CLMN: variants seen among roughly 807,000 people sequenced by gnomAD.
CLMN encodes calmin.
CLMN carries 57 observed loss-of-function variants against 92.7 expected under a neutral mutation model. That is an observed-to-expected ratio of 0.61 (90% CI 0.50 to 0.77). The LOEUF is 0.77. Ranked by LOEUF, CLMN falls within the 30% of genes least tolerant of loss-of-function variation. CLMN has a pLI of 0.00. For missense variants in CLMN, 1,158 were observed against 1,237.5 expected (o/e 0.94, Z 0.96); for synonymous variants, 466 against 470.6 (o/e 0.99, Z 0.13).
At chr14:95,299,311 C>T (rs1595110790) in intron 1 of CLMN, among the ~76,000 whole-genome samples, 1 of 152,304 alleles carries the variant, frequency 6.6e-6, no homozygotes, top group African/African-American at 2.4e-5. Context: ...ATTCTGGGCT[C>T]TTCAGTGCCC....
At position 95,204,232 on chromosome 14, in the gene CLMN, A is replaced by C; in HGVS notation, c.1117T>G (p.Ser373Ala). The C allele has an allele frequency of 1.2e-6, 2 of 1,614,058 alleles. No individual in the cohort carries two copies. The highest frequency in any genetic ancestry group is 1.7e-6 in the Non-Finnish European group (2 of 1,180,000). Residue 373 changes from serine (S) to alanine (A), a missense_variant, in exon 9 of 13, where the codon TCA becomes GCA. Physicochemically the swap from Ser to Ala is moderately conservative, Grantham distance 99. Transcript: ENST00000298912. Reference sequence around the variant, plus strand: ...TGCATGAACTCGGTGGAGCTGTCTGACAGCGCATGGCTGGAAACACCATCC... The same window carrying C: ...TGCATGAACTCGGTGGAGCTGTCTGCCAGCGCATGGCTGGAAACACCATCC... ...RLDGVSSHAL[S>A]DSSTEFMHQI...
chr14:95,277,849 A>T (rs1899993692), intron 1 of CLMN, among the ~76,000 whole-genome samples: 1 of 152,054 alleles, frequency 6.6e-6, no homozygotes, highest in East Asian at 1.9e-4. Context: ...CTGGTCTCGA[A>T]CTCCTAACTT....
At chr14:95,303,520 A>T (rs767051165) in intron 1 of CLMN, among the ~76,000 whole-genome samples, 1 of 152,190 alleles carries the variant, frequency 6.6e-6, no homozygotes, top group Non-Finnish European at 1.5e-5. Context: ...GCTGCACCCC[A>T]TATGGGCCCC....
At chr14:95,235,813 G>T (rs996795926) in intron 1 of CLMN, among the ~76,000 whole-genome samples, 1 of 152,176 alleles carries the variant, frequency 6.6e-6, no homozygotes, top group Admixed American at 6.5e-5. Flanking sequence ...GCTTGGGAGA[G>T]GGGAGGGAGA....
intron 1 of CLMN, among the ~76,000 whole-genome samples, chr14:95,254,126 T>C (rs561671118): frequency 6.6e-6 from 1 of 152,286 alleles, no homozygotes; most frequent in Admixed American, 6.5e-5. Flanking sequence ...TGGACCTTTG[T>C]CCCCATCTAT....
intron 2 of CLMN, among the ~76,000 whole-genome samples, chr14:95,225,008 C>G (rs1897667020): frequency 6.6e-6 from 1 of 152,166 alleles, no homozygotes; most frequent in South Asian, 2.1e-4. Flanking sequence ...GAAGGCTTTC[C>G]TCACCCCACG....
At chr14:95,197,103 A>C (rs1000525397) in intron 9 of CLMN, among the ~76,000 whole-genome samples, 6 of 152,086 alleles carry the variant, frequency 3.9e-5, no homozygotes, top group African/African-American at 1.4e-4. Context: ...AATGTCTCTA[A>C]TTAGCTGTGT....
At chr14:95,245,238 T>TTATA (rs1555390382) in intron 1 of CLMN, among the ~76,000 whole-genome samples, 3 of 28,178 alleles carry the variant, frequency 1.1e-4, no homozygotes, top group East Asian at 1.1e-3. Context: ...TATATATATA[T>TTATA]TATATATATA....
rs1896655317 is a variant in CLMN, at chr14:95,194,741, T to C, written c.2709-145A>G. The C allele has an allele frequency of 9.9e-6, 7 of 708,426 alleles. No homozygotes were observed. The Admixed American group carries it at 1.6e-4, about 16-fold the overall frequency. 43.9% of individuals were successfully genotyped at this position (708,426 alleles called of 1,614,324 possible). A position where few individuals can be genotyped will look rare whatever the true frequency, so the allele number is the denominator to read the frequency against. On this transcript the variant is annotated intron_variant, in intron 10 of 12. Transcript: ENST00000298912. The surrounding 1 kb of genome is among the most constrained non-coding windows in gnomAD (Gnocchi z 4.0). ...CCAGGGACAGAAATGACAGATTTTA[T>C]ATCTAACATGCCTACTTTGGTTGGA...
intron 8 of CLMN, among the ~76,000 whole-genome samples, chr14:95,206,864 A>G (rs1325821808): frequency 6.6e-6 from 1 of 152,258 alleles, no homozygotes; most frequent in African/African-American, 2.4e-5. Flanking sequence ...CTACAGATTA[A>G]GAGCTCAGGG....
chr14:95,202,721 A>T, intron 9 of CLMN, 117 bp downstream of exon 9: 1 of 1,144,880 alleles, frequency 8.7e-7, no homozygotes, highest in Non-Finnish European at 1.2e-6. Flanking sequence ...GCACCATAGT[A>T]GTCCCAAGGG....
chr14:95,268,721 G>C (rs1005416803), intron 1 of CLMN, among the ~76,000 whole-genome samples: 6 of 149,588 alleles, frequency 4.0e-5, no homozygotes, highest in Non-Finnish European at 7.4e-5. Flanking sequence ...CTGTGATACT[G>C]CACTGTAGCT....
chr14:95,300,278 T>C (rs1274902591), intron 1 of CLMN, among the ~76,000 whole-genome samples: 1 of 152,192 alleles, frequency 6.6e-6, no homozygotes, highest in Non-Finnish European at 1.5e-5. Flanking sequence ...CCAAAGCACA[T>C]AGATGAGTAA....
intron 1 of CLMN, among the ~76,000 whole-genome samples, chr14:95,237,353 G>A (rs1898090625): frequency 6.6e-6 from 1 of 152,252 alleles, no homozygotes; most frequent in African/African-American, 2.4e-5. Flanking sequence ...CGGAGTCAGA[G>A]CTTGGGGCAG....
chr14:95,240,376 G>T (rs1469903881), intron 1 of CLMN, among the ~76,000 whole-genome samples: 1 of 152,072 alleles, frequency 6.6e-6, no homozygotes, highest in Admixed American at 6.5e-5. Flanking sequence ...GTAGAACATG[G>T]GTGGGTTCCA....
chr14:95,222,159 G>A (rs771112383), intron 3 of CLMN, among the ~76,000 whole-genome samples: 6 of 152,082 alleles, frequency 3.9e-5, no homozygotes, highest in South Asian at 2.1e-4. Context: ...TTCGCTAAGC[G>A]GCTGCTTTTG....
intron 9 of CLMN, among the ~76,000 whole-genome samples, chr14:95,199,901 G>C (rs1896828498): frequency 1.3e-5 from 2 of 152,286 alleles, no homozygotes; most frequent in Non-Finnish European, 1.5e-5. Context: ...GAGACAAAGA[G>C]GGGTGGGTGG....
At chr14:95,199,434 C>G (rs1005155767) in intron 9 of CLMN, 3 of 152,260 alleles carry the variant, frequency 2.0e-5, no homozygotes, top group African/African-American at 7.2e-5. Context: ...AGCTCCAGTC[C>G]TTTGGGCCCC....
At position 95,194,218 on chromosome 14, in the gene CLMN, G is replaced by C; in HGVS notation, c.2770-299C>G. On this transcript the variant is annotated intron_variant, in intron 11 of 12. Coordinates refer to ENST00000298912, the MANE Select transcript of CLMN (RefSeq NM_024734.4). The surrounding 1 kb of genome is among the most constrained non-coding windows in gnomAD (Gnocchi z 4.0). ...CACGTGCCACTGTCCATCGGACCTT[G>C]ACTCATGTTGCACCTCTGTCTCTGA... 1 of 1,394,058 alleles carries C rather than the reference G, an allele frequency of 7.2e-7. No individual in the cohort carries two copies. Among genetic ancestry groups the C allele is most frequent in the South Asian group, 1.6e-5 (1 of 61,408 alleles). 86.4% of individuals were successfully genotyped at this position (1,394,058 alleles called of 1,614,324 possible). A position where few individuals can be genotyped will look rare whatever the true frequency, so the allele number is the denominator to read the frequency against.
Sources: allele counts gnomAD v4.1 joint callset (sites outside exome capture counted in the v4.1 genomes callset), GRCh38; gene constraint gnomAD v4.1.1; non-coding constraint Gnocchi (gnomAD v3.1); transcripts MANE v1.5; gene names NCBI Gene and HGNC (gene_info 2026-07-23, HGNC 2026-07-21).